Variants in ALK observed in about 807,000 individuals in gnomAD.
The protein encoded by ALK is ALK tyrosine kinase receptor.
In ALK, 74 loss-of-function variants were observed where a neutral mutation model predicts 163.1. That is an observed-to-expected ratio of 0.45 (90% CI 0.38 to 0.55). The LOEUF is 0.55. Ranked by LOEUF, ALK falls within the 20% of genes least tolerant of loss-of-function variation. The pLI, the probability that ALK is intolerant of heterozygous loss-of-function variation, is 0.00. For synonymous variants in ALK, 960 were observed against 843.2 expected (o/e 1.14, Z -2.40); for missense variants, 2,063 against 2,105.3 (o/e 0.98, Z 0.39).
chr2:29,733,693 C>T (rs751618624), intron 1 of ALK, among the ~76,000 whole-genome samples: 23 of 152,074 alleles, frequency 1.5e-4, no homozygotes, highest in Non-Finnish European at 3.2e-4. Flanking sequence ...AAAATATGGG[C>T]CCAGCCATTG....
At chr2:29,416,968 G>T (rs1177400247) in intron 4 of ALK, among the ~76,000 whole-genome samples, 1 of 133,338 alleles carries the variant, frequency 7.5e-6, no homozygotes, top group Non-Finnish European at 1.6e-5. Context: ...TTGTTTTATA[G>T]ATGTTTGATG....
At chr2:29,908,620 A>C (rs1667616445) in intron 1 of ALK, among the ~76,000 whole-genome samples, 1 of 152,206 alleles carries the variant, frequency 6.6e-6, no homozygotes, top group Non-Finnish European at 1.5e-5. Context: ...TGTTTCTAAA[A>C]TTCCAGAGCT....
At chr2:29,342,740 C>A (rs961987135) in intron 5 of ALK, among the ~76,000 whole-genome samples, 1 of 152,116 alleles carries the variant, frequency 6.6e-6, no homozygotes, top group Non-Finnish European at 1.5e-5. Flanking sequence ...TCTTCTCTTT[C>A]TTCTTTTAAA....
At chr2:29,216,915 GTCTT>G (rs1190119920) in intron 23 of ALK, among the ~76,000 whole-genome samples, 2 of 144,324 alleles carry the variant, frequency 1.4e-5, no homozygotes, top group Non-Finnish European at 3.1e-5. Context: ...TGTGGTATAT[GTCTT>G]TATGGTGTGT....
intron 1 of ALK, among the ~76,000 whole-genome samples, chr2:29,831,024 G>A (rs1270435285): frequency 5.0e-5 from 2 of 40,394 alleles, no homozygotes; most frequent in African/African-American, 1.3e-4. Flanking sequence ...GGAAGAGGAA[G>A]GGGAAGGAGG....
chr2:29,569,986 TAAG>T (rs1440083020), intron 3 of ALK, among the ~76,000 whole-genome samples: 1 of 152,144 alleles, frequency 6.6e-6, no homozygotes, highest in African/African-American at 2.4e-5. Flanking sequence ...TAAGAAATGA[TAAG>T]AAATGACCCC....
chr2:29,557,940 G>C (rs1195613332), intron 3 of ALK, among the ~76,000 whole-genome samples: 3 of 152,102 alleles, frequency 2.0e-5, no homozygotes, highest in African/African-American at 7.2e-5. Flanking sequence ...GAGTCCTCTA[G>C]ACTGAGAGCC....
chr2:29,577,365 G>A (rs1425283002), intron 3 of ALK, among the ~76,000 whole-genome samples: 1 of 152,164 alleles, frequency 6.6e-6, no homozygotes, highest in African/African-American at 2.4e-5. Context: ...GTCCTTGTAT[G>A]CTCTGCTCAG....
chr2:29,383,562 C>A (rs1026637314), intron 5 of ALK, among the ~76,000 whole-genome samples, 170 bp downstream of exon 5: 1 of 152,160 alleles, frequency 6.6e-6, no homozygotes, highest in African/African-American at 2.4e-5. Flanking sequence ...AGTGATCCAC[C>A]CGTCTCGGCC....
chr2:29,447,556 G>A (rs897281684), intron 4 of ALK, among the ~76,000 whole-genome samples: 1 of 152,182 alleles, frequency 6.6e-6, no homozygotes, highest in Admixed American at 6.5e-5. Flanking sequence ...TTCTGAGCAC[G>A]CATAAAAGAT....
chr2:29,814,144 A>C (rs1664830044), intron 1 of ALK, among the ~76,000 whole-genome samples: 1 of 152,186 alleles, frequency 6.6e-6, no homozygotes, highest in African/African-American at 2.4e-5. Context: ...CACTCTGCAA[A>C]TGTTAACAGC....
chr2:29,893,354 C>T (rs1278925871), intron 1 of ALK, among the ~76,000 whole-genome samples: 3 of 152,144 alleles, frequency 2.0e-5, no homozygotes, highest in Non-Finnish European at 4.4e-5. Flanking sequence ...TGACTTTCTG[C>T]CATGCAGCCT....
intron 1 of ALK, among the ~76,000 whole-genome samples, chr2:29,757,151 A>C (rs1680560280): frequency 6.6e-6 from 1 of 152,182 alleles, no homozygotes; most frequent in South Asian, 2.1e-4. Flanking sequence ...CAAAGCCTTT[A>C]AGGCAGTGTC....
intron 1 of ALK, among the ~76,000 whole-genome samples, chr2:29,776,497 A>G (rs1263465974): frequency 1.3e-5 from 2 of 152,224 alleles, no homozygotes; most frequent in Non-Finnish European, 2.9e-5. Flanking sequence ...CACTTTGGTC[A>G]GAGGGCTAAT....
intron 3 of ALK, among the ~76,000 whole-genome samples, chr2:29,602,900 G>A (rs560042044): frequency 3.3e-5 from 5 of 152,142 alleles, no homozygotes; most frequent in Admixed American, 6.5e-5. Context: ...TGCCCAAGGT[G>A]GTTGGCTACA....
rs181235529 is a variant in ALK at position 29,471,361 on chromosome 2, T to C, written c.1154+60554A>G. On this transcript the variant is annotated intron_variant, in intron 4 of 28. Coordinates refer to ENST00000389048, the MANE Select transcript of ALK (RefSeq NM_004304.5). ...AGGAAAAATTACAGGTCAATCTCTC[T>C]TATTAGCATAGATGCAAAAGTTCTA... 7.9e-5 allele frequency among the ~76,000 whole-genome samples: 12 copies of C among 152,340 alleles called. No homozygotes were observed. In the East Asian group the frequency reaches 2.3e-3, roughly 29 times the overall value.
chr2:29,395,753 C>T (rs181118897), intron 4 of ALK, among the ~76,000 whole-genome samples: 1 of 152,296 alleles, frequency 6.6e-6, no homozygotes, highest in Non-Finnish European at 1.5e-5. Context: ...CTGCCCTGTA[C>T]CAGGGAGGAG....
At chr2:29,752,534 G>C (rs1173905671) in intron 1 of ALK, among the ~76,000 whole-genome samples, 1 of 151,510 alleles carries the variant, frequency 6.6e-6, no homozygotes, top group Non-Finnish European at 1.5e-5. Flanking sequence ...ATTTTTAGTA[G>C]AGACGGGGTT....
intron 4 of ALK, among the ~76,000 whole-genome samples, chr2:29,459,495 T>C (rs994282337): frequency 5.3e-5 from 8 of 152,068 alleles, no homozygotes; most frequent in Admixed American, 5.2e-4. Flanking sequence ...CAGGCGGAAA[T>C]CTTTGATTGT....
Sources: gnomAD v4.1 joint callset for allele counts (sites outside exome capture counted in the v4.1 genomes callset) on GRCh38, gnomAD v4.1.1 for gene constraint, MANE v1.5 for transcripts, NCBI Gene and HGNC (gene_info 2026-07-23, HGNC 2026-07-21) for gene names.